The following DSCAML1 variants were observed in gnomAD, a reference collection of about 807,000 sequenced individuals.
DSCAML1 encodes cell adhesion molecule DSCAML1.
In DSCAML1, 38 loss-of-function variants were observed where a neutral mutation model predicts 200.5. The ratio of observed to expected loss-of-function variants is 0.19; its 90% confidence interval spans 0.15 to 0.25. The LOEUF (loss-of-function observed/expected upper bound fraction) is 0.25, where lower values mean the gene tolerates loss of function less well. Ranked by LOEUF, DSCAML1 falls within the 10% of genes least tolerant of loss-of-function variation. DSCAML1 has a pLI of 1.00. For missense variants in DSCAML1, 2,223 were observed against 2,858.8 expected, an observed-to-expected ratio of 0.78 and a Z score of 5.07; for synonymous variants, 1,215 against 1,165.0, an observed-to-expected ratio of 1.04 and a Z score of -0.87.
At chr11:117,431,482 G>C in intron 31 of DSCAML1, 52 bp downstream of exon 31, 1 of 1,462,042 alleles carries the variant, frequency 6.8e-7, no homozygotes, top group East Asian at 2.3e-5. Flanking sequence ...GAAGGTGAAT[G>C]ATGGGGAACT....
chr11:117,556,330 C>T (rs768962955), intron 3 of DSCAML1, among the ~76,000 whole-genome samples: 32 of 152,012 alleles, frequency 2.1e-4, no homozygotes, highest in Admixed American at 3.9e-4. Flanking sequence ...CTTTGAATGC[C>T]GGGGCAAGGG....
intron 3 of DSCAML1, among the ~76,000 whole-genome samples, chr11:117,540,176 G>A (rs777885536): frequency 2.0e-5 from 3 of 152,214 alleles, no homozygotes; most frequent in East Asian, 1.9e-4. Context: ...CCTTGGGGCC[G>A]TGGACCAGTA....
chr11:117,504,071 C>G lies in DSCAML1; in HGVS notation c.2183-50G>C. 6.3e-7 allele frequency: 1 copy of G among 1,595,304 alleles called. No homozygotes were observed. On this transcript the variant is annotated intron_variant, in intron 10 of 32. Coordinates refer to ENST00000651296, the MANE Select transcript of DSCAML1 (RefSeq NM_020693.4). The surrounding 1 kb of genome is among the most constrained non-coding windows in gnomAD (Gnocchi z 5.0). Reference sequence around the variant, plus strand: ...GGCTGAGTCTGCACTGGGGCATAAGCTGAGAGTGCCCCAGGAGTGGCCCTG... The same window carrying G: ...GGCTGAGTCTGCACTGGGGCATAAGGTGAGAGTGCCCCAGGAGTGGCCCTG...
chr11:117,538,847 A>T (rs1386136928), intron 3 of DSCAML1, among the ~76,000 whole-genome samples: 2 of 151,896 alleles, frequency 1.3e-5, no homozygotes, highest in Non-Finnish European at 2.9e-5. Context: ...GGAGGATCTG[A>T]ACTGGACAGA....
In DSCAML1 at chr11:117,431,683, T is replaced by C. The variant is rs1565671135; in HGVS notation, c.5225A>G (p.Asn1742Ser). 2 of 1,608,408 alleles carry C rather than the reference T, an allele frequency of 1.2e-6. No homozygotes were observed. Among genetic ancestry groups the C allele is most frequent in the Non-Finnish European group, 1.7e-6 (2 of 1,176,450 alleles). The change falls in exon 31 of 33, where the codon AAC (asparagine) becomes AGC (serine). Residue 1742 changes from asparagine to serine, a missense_variant. By Grantham distance (46) the Asn-to-Ser change is conservative. Around this residue, in one of 7 missense-constraint regions of DSCAML1, gnomAD observed 614 missense variants for 739.1 expected, o/e 0.83. Transcript: ENST00000651296. ...CAGGGTCCACTGGCTTGAGTACCGG[T>C]TCCGGGTGCTGTGGGCTGACTTCAC... ...KNVKSAHSTR[N>S]RYSSQWTLTK...
chr11:117,433,034 A>G, intron 29 of DSCAML1, 104 bp downstream of exon 29: 1 of 994,494 alleles, frequency 1.0e-6, no homozygotes, highest in Non-Finnish European at 1.6e-6. Context: ...GGCTACTGCC[A>G]GAACCCTGGG....
chr11:117,456,134 G>A (rs2048364127), intron 19 of DSCAML1, among the ~76,000 whole-genome samples: 1 of 152,224 alleles, frequency 6.6e-6, no homozygotes, highest in Admixed American at 6.5e-5. Flanking sequence ...TGACTCCCAA[G>A]AGAGGCATGC....
chr11:117,801,387 T>C (rs1050068392), upstream of DSCAML1: 2 of 152,170 alleles, frequency 1.3e-5, no homozygotes, highest in Non-Finnish European at 2.9e-5. Flanking sequence ...CTACCCCACA[T>C]AGGTGTATAG....
At position 117,469,875 on chromosome 11, in the gene DSCAML1, A is replaced by G; in HGVS notation, c.3024+35T>C. 1 of 1,558,854 alleles carries G rather than the reference A, an allele frequency of 6.4e-7. No individual in the cohort carries two copies. Among genetic ancestry groups the G allele is most frequent in the African/African-American group, 1.3e-5 (1 of 74,090 alleles). ...TGGATTGAGGAGAGAGGAGGCAAGC[A>G]GACATTCCAGGGGAGATGCCTTAGA... On this transcript the variant is annotated intron_variant, in intron 16 of 32. Transcript: ENST00000651296. This position sits in a 1 kb window ranked among gnomAD's most constrained non-coding sequence, Gnocchi z 4.1.
chr11:117,572,901 G>A (rs940422735), intron 3 of DSCAML1, among the ~76,000 whole-genome samples: 3 of 152,180 alleles, frequency 2.0e-5, no homozygotes, highest in East Asian at 1.9e-4. Flanking sequence ...ATCAGGCATC[G>A]CCCGGGGGCA....
chr11:117,654,843 G>A (rs531368215), intron 3 of DSCAML1, among the ~76,000 whole-genome samples: 1 of 152,222 alleles, frequency 6.6e-6, no homozygotes, highest in South Asian at 2.1e-4. Flanking sequence ...GGAGGAAACG[G>A]CGGGTAGGAA....
intron 3 of DSCAML1, among the ~76,000 whole-genome samples, chr11:117,684,555 C>CAGAG (rs143050500): frequency 0.14 from 20,797 of 145,832 alleles, 2,051 homozygotes; most frequent in African/African-American, 0.3. Flanking sequence ...TAGCAAAGAG[C>CAGAG]AGAGAGAGAG....
chr11:117,809,882 TACAC>T (rs368848322), intron 1 of DSCAML1, among the ~76,000 whole-genome samples: 18 of 150,436 alleles, frequency 1.2e-4, no homozygotes, highest in East Asian at 6.0e-4. Context: ...CACATACTCT[TACAC>T]ACACACACCC....
chr11:117,506,573 T>G (rs1355568816), intron 8 of DSCAML1, among the ~76,000 whole-genome samples: 1 of 143,340 alleles, frequency 7.0e-6, no homozygotes, highest in African/African-American at 2.7e-5. Context: ...TTTTTTTTTT[T>G]TGAGACAAGG....
intron 4 of DSCAML1, among the ~76,000 whole-genome samples, chr11:117,526,973 A>G (rs2049988659): frequency 6.6e-6 from 1 of 152,124 alleles, no homozygotes; most frequent in African/African-American, 2.4e-5. Flanking sequence ...TCCCATGTCT[A>G]CCAAGCAAAC....
At chr11:117,432,596 A>G (rs915252592) in intron 29 of DSCAML1, 92 bp from the exon 30 acceptor site, 11 of 1,411,682 alleles carry the variant, frequency 7.8e-6, no homozygotes, top group Middle Eastern at 1.8e-4. Flanking sequence ...TCTTTATCCA[A>G]TGTGTTTTTT....
Position 117,555,560 on chromosome 11 carries a change from G to A in DSCAML1, c.512-23038C>T, listed in dbSNP as rs554160259. 9.8e-5 allele frequency among the ~76,000 whole-genome samples: 15 copies of A among 152,310 alleles called. No homozygotes were observed. The South Asian group carries it at 2.9e-3, about 29-fold the overall frequency. On this transcript the variant is annotated intron_variant, in intron 3 of 32. Coordinates refer to ENST00000651296, the MANE Select transcript of DSCAML1 (RefSeq NM_020693.4). Reference sequence around the variant, plus strand: ...GTGTGTCTTCTCTCCCAGTTTGGGAGTGAGGTGATGTATTGGAAGTGAAGG... The same window carrying A: ...GTGTGTCTTCTCTCCCAGTTTGGGAATGAGGTGATGTATTGGAAGTGAAGG...
At chr11:117,591,237 G>A (rs2051253801) in intron 3 of DSCAML1, among the ~76,000 whole-genome samples, 1 of 152,150 alleles carries the variant, frequency 6.6e-6, no homozygotes, top group Non-Finnish European at 1.5e-5. Context: ...TCTGGGGCGA[G>A]GAGCAGGTTC....
intron 3 of DSCAML1, among the ~76,000 whole-genome samples, chr11:117,759,280 T>C (rs1749601248): frequency 6.6e-6 from 1 of 152,082 alleles, no homozygotes; most frequent in Non-Finnish European, 1.5e-5. Context: ...CCTGTGAACT[T>C]GGGTGTGTAA....
Sources: gnomAD v4.1 joint callset for allele counts (sites outside exome capture counted in the v4.1 genomes callset) on GRCh38, gnomAD v4.1.1 for gene constraint, gnomAD v4.1.1 regional missense constraint, Gnocchi (gnomAD v3.1) non-coding constraint, MANE v1.5 for transcripts, NCBI Gene and HGNC (gene_info 2026-07-23, HGNC 2026-07-21) for gene names.